The following LSG1 variants were observed in gnomAD, a reference collection of about 807,000 sequenced individuals.
LSG1 encodes the protein large 60S subunit nuclear export GTPase 1.
A neutral mutation model predicts 82.6 loss-of-function variants in LSG1; 55 were observed. The ratio of observed to expected loss-of-function variants is 0.67; its 90% confidence interval spans 0.54 to 0.83. The LOEUF (loss-of-function observed/expected upper bound fraction) is 0.83, where lower values mean the gene tolerates loss of function less well. Ranked by LOEUF, LSG1 falls within the 40% of genes least tolerant of loss-of-function variation. LSG1 has a pLI of 0.00. For synonymous variants in LSG1, 272 were observed against 282.5 expected (o/e 0.96, Z 0.37); for missense variants, 809 against 807.9 (o/e 1.00, Z -0.02).
chr3:194,671,348 C>G (rs999659907), intron 1 of LSG1, among the ~76,000 whole-genome samples: 9 of 152,184 alleles, frequency 5.9e-5, no homozygotes, highest in Admixed American at 6.5e-5. Flanking sequence ...ATGCTGTTTA[C>G]TCTGCAGACT....
intron 2 of LSG1, 74 bp downstream of exon 2, chr3:194,669,935 C>T (rs1719109710): frequency 6.5e-7 from 1 of 1,546,366 alleles, no homozygotes; most frequent in Non-Finnish European, 8.7e-7. Context: ...CATCTCAAAA[C>T]AAAAAACAAA....
At chr3:194,662,567 A>G (rs1320536133) in intron 5 of LSG1, among the ~76,000 whole-genome samples, 3 of 152,222 alleles carry the variant, frequency 2.0e-5, no homozygotes, top group African/African-American at 7.2e-5. Context: ...GTTCGAGACC[A>G]GCCTGGCCAA....
chr3:194,641,578 T>C lies in LSG1; in HGVS notation c.*490A>G, dbSNP rs1470774998. The C allele has an allele frequency of 1.3e-5, 2 of 152,396 alleles. No homozygotes were observed. The highest frequency in any genetic ancestry group is 4.8e-5 in the African/African-American group (2 of 41,444). 9.4% of individuals were successfully genotyped at this position (152,396 alleles called of 1,614,324 possible). A position where few individuals can be genotyped will look rare whatever the true frequency, so the allele number is the denominator to read the frequency against. On this transcript the variant is annotated 3_prime_UTR_variant, in exon 14 of 14. Transcript: ENST00000265245. ...ACACTCAGAATGGGGAATTTCTCTT[T>C]CACCTTCGTCCCAAATGTGTCTCGT...
chr3:194,653,193 T>C, intron 7 of LSG1, 51 bp from the exon 8 acceptor site: 1 of 1,531,210 alleles, frequency 6.5e-7, no homozygotes, highest in Non-Finnish European at 8.9e-7. Flanking sequence ...GTTTCCACTC[T>C]AGTAAAAATA....
intron 8 of LSG1, among the ~76,000 whole-genome samples, chr3:194,652,344 G>C (rs972469961): frequency 6.6e-6 from 1 of 152,174 alleles, no homozygotes; most frequent in Non-Finnish European, 1.5e-5. Context: ...TCCCTATTAA[G>C]CATCTGGAAC....
rs113244151 is a variant in LSG1, at chr3:194,659,053, C to T, written c.663G>A (p.Gln221=). Residue 221 remains glutamine, a synonymous_variant, in exon 7 of 14, where the codon CAG becomes CAA. Coordinates refer to ENST00000265245, the MANE Select transcript of LSG1 (RefSeq NM_018385.3). ...CGAAGTACATGGCCCAGGCACTCCG[C>T]TGCTCAGCAGTCAGCAAGTCTGCCT... ...INKADLLTAE[Q]RSAWAMYFEK... is the part of the protein sequence containing the mutation. 15 of 1,614,098 alleles carry T rather than the reference C, an allele frequency of 9.3e-6. No individual in the cohort carries two copies. In the African/African-American group the frequency reaches 9.3e-5, roughly 10 times the overall value.
intron 12 of LSG1, among the ~76,000 whole-genome samples, chr3:194,645,829 T>C (rs1403127693): frequency 2.0e-5 from 3 of 152,192 alleles, no homozygotes; most frequent in Non-Finnish European, 4.4e-5. Flanking sequence ...TTAGCTGTTA[T>C]CGTTACTAGG....
In LSG1 at chr3:194,642,132, T is replaced by C. The variant is rs760214355; in HGVS notation, c.1913A>G (p.Lys638Arg). The change falls in exon 14 of 14, where the codon AAA (lysine) becomes AGA (arginine). Residue 638 changes from lysine to arginine, a missense_variant. Coordinates refer to ENST00000265245, the MANE Select transcript of LSG1 (RefSeq NM_018385.3). The part of the protein sequence containing the change: ...SSENGAGKPW[K>R]KHGNRNKKEK... Reference sequence around the variant, plus strand: ...TTTTTTATTTCTGTTGCCATGTTTTTTCCAGGGCTTCCCCGCCCCGTTCTC... The same window carrying C: ...TTTTTTATTTCTGTTGCCATGTTTTCTCCAGGGCTTCCCCGCCCCGTTCTC... 47 of 1,613,782 alleles carry C rather than the reference T, an allele frequency of 2.9e-5. No individual in the cohort carries two copies. Among genetic ancestry groups the C allele is most frequent in the Non-Finnish European group, 3.6e-5 (43 of 1,180,042 alleles).
Position 194,641,756 on chromosome 3 carries a change from GGT to G in LSG1, c.*310_*311del, listed in dbSNP as rs1718389771. 1.1e-5 allele frequency: 2 copies of G among 190,006 alleles called. No individual in the cohort carries two copies. The highest frequency in any genetic ancestry group is 5.9e-5 in the Admixed American group (1 of 16,962). The allele number at this position is 190,006 out of a possible 1,614,324, so 11.8% of individuals were successfully genotyped here. ...AGCCTCCCGAGTAGCTGGGATTACAGGTGCGCGCCACCACGCCTGGCTAATTT... is the reference window on the plus strand; with the variant it reads ...AGCCTCCCGAGTAGCTGGGATTACAGGCGCGCCACCACGCCTGGCTAATTT... On this transcript the variant is annotated 3_prime_UTR_variant, in exon 14 of 14. Transcript: ENST00000265245.
rs1560217266 is a variant in LSG1 at position 194,641,758 on chromosome 3, TGC to T, written c.*308_*309del. On this transcript the variant is annotated 3_prime_UTR_variant, in exon 14 of 14. Transcript: ENST00000265245. ...CCTCCCGAGTAGCTGGGATTACAGG[TGC>T]GCGCCACCACGCCTGGCTAATTTTT... is the stretch of plus-strand genomic sequence containing the variant. 3 of 194,296 alleles carry T rather than the reference TGC, an allele frequency of 1.5e-5. No homozygotes were observed. The highest frequency in any genetic ancestry group is 1.4e-4 in the South Asian group (1 of 7,238). The allele number at this position is 194,296 out of a possible 1,614,324, so 12.0% of individuals were successfully genotyped here.
At position 194,644,387 on chromosome 3, in the gene LSG1, T is replaced by TA. The variant is rs1343493514; in HGVS notation, c.1797+185dup. Among the ~76,000 whole-genome samples, 54 of 56,056 alleles carry TA rather than the reference T, an allele frequency of 9.6e-4. 2 individuals carry two copies. Among genetic ancestry groups the TA allele is most frequent in the Non-Finnish European group, 1.5e-3 (41 of 26,550 alleles). The allele number at this position is 56,056 out of a possible 152,430, so 36.8% of individuals were successfully genotyped here. On this transcript the variant is annotated intron_variant, in intron 13 of 13. Transcript: ENST00000265245. ...CCGTCTCAAAAAAAAAAAATAAAAA[T>TA]AAATAAATAAATAAATAAATAAATA...
Position 194,672,060 on chromosome 3 carries a change from T to C in LSG1, c.99+4A>G. 6.2e-7 allele frequency: 1 copy of C among 1,611,618 alleles called. No homozygotes were observed. Among genetic ancestry groups the C allele is most frequent in the Non-Finnish European group, 8.5e-7 (1 of 1,179,122 alleles). Reference sequence around the variant, plus strand: ...GATAAGAAAGATGACATGGTCTGTCTTACCCAGGAGTCAGTGTGACGATGG... The same window carrying C: ...GATAAGAAAGATGACATGGTCTGTCCTACCCAGGAGTCAGTGTGACGATGG... On this transcript the variant is annotated splice_donor_region_variant and intron_variant, in intron 1 of 13. Coordinates refer to ENST00000265245, the MANE Select transcript of LSG1 (RefSeq NM_018385.3).
chr3:194,662,087 CCT>C (rs1448188986), intron 5 of LSG1, among the ~76,000 whole-genome samples: 2 of 152,174 alleles, frequency 1.3e-5, no homozygotes, highest in Non-Finnish European at 2.9e-5. Context: ...TGTTCATGCC[CCT>C]GACGCCCAAG....
At chr3:194,667,942 A>AAAAAAAAAAAATAT (rs1416407494) in intron 2 of LSG1, among the ~76,000 whole-genome samples, 3 of 86,966 alleles carry the variant, frequency 3.4e-5, no homozygotes, top group African/African-American at 4.8e-5. Context: ...AAAAAAAAAA[A>AAAAAAAAAAAATAT]ATATATATAT....
At chr3:194,668,094 A>T (rs1719070057) in intron 2 of LSG1, among the ~76,000 whole-genome samples, 1 of 151,144 alleles carries the variant, frequency 6.6e-6, no homozygotes, top group African/African-American at 2.4e-5. Flanking sequence ...TATTTTCATC[A>T]CTCCAAAAAG....
intron 5 of LSG1, among the ~76,000 whole-genome samples, chr3:194,660,344 A>T (rs746654116): frequency 7.9e-5 from 12 of 152,232 alleles, no homozygotes; most frequent in Non-Finnish European, 1.6e-4. Flanking sequence ...GCTAGTAAGT[A>T]ACACAGCCAG....
At chr3:194,655,050 C>T (rs1310236875) in intron 7 of LSG1, among the ~76,000 whole-genome samples, 1 of 152,182 alleles carries the variant, frequency 6.6e-6, no homozygotes, top group Non-Finnish European at 1.5e-5. Flanking sequence ...TATCAAGTTA[C>T]AAGTAAGACT....
intron 10 of LSG1, among the ~76,000 whole-genome samples, chr3:194,649,768 A>G (rs1718634378): frequency 6.6e-6 from 1 of 152,108 alleles, no homozygotes; most frequent in South Asian, 2.1e-4. Flanking sequence ...GTAGTTATGA[A>G]GGGAATTTTA....
chr3:194,662,750 G>C (rs938807392), intron 5 of LSG1, among the ~76,000 whole-genome samples: 1 of 152,140 alleles, frequency 6.6e-6, no homozygotes, highest in Non-Finnish European at 1.5e-5. Flanking sequence ...TAACAAGAGC[G>C]AAAGTCCGTC....
Sources: gnomAD v4.1 joint callset for allele counts (sites outside exome capture counted in the v4.1 genomes callset) on GRCh38, gnomAD v4.1.1 for gene constraint, MANE v1.5 for transcripts, NCBI Gene and HGNC (gene_info 2026-07-23, HGNC 2026-07-21) for gene names.